Variants in TLE1 observed in about 807,000 individuals in gnomAD.
TLE1 encodes TLE family member 1, transcriptional corepressor.
A neutral mutation model predicts 89.8 loss-of-function variants in TLE1; 21 were observed. The observed-to-expected ratio is 0.23, with a 90% CI of 0.17 to 0.34. TLE1 has a LOEUF of 0.34. Ranked by LOEUF, TLE1 falls within the 10% of genes least tolerant of loss-of-function variation. The pLI is 1.00. For synonymous variants in TLE1, 447 were observed against 407.6 expected, an observed-to-expected ratio of 1.10 and a Z score of -1.16; for missense variants, 795 against 1,031.2, an observed-to-expected ratio of 0.77 and a Z score of 3.14.
intron 1 of TLE1, 72 bp downstream of exon 1, chr9:81,688,145 G>C (rs1834607194): frequency 1.3e-6 from 2 of 1,576,508 alleles, no homozygotes; most frequent in Non-Finnish European, 8.7e-7. Flanking sequence ...GAAGCCACCA[G>C]TCTCCCTACC....
chr9:81,607,024 A>C (rs113828813), intron 14 of TLE1, among the ~76,000 whole-genome samples: 1 of 150,984 alleles, frequency 6.6e-6, no homozygotes, highest in South Asian at 2.1e-4. Flanking sequence ...AGGAGTTTGA[A>C]ACCAGCCTAG....
rs1832067732 is a variant in TLE1, at chr9:81,670,423, T to C, written c.234+15253A>G. On this transcript the variant is annotated intron_variant, in intron 4 of 19. Coordinates refer to ENST00000376499, the MANE Select transcript of TLE1 (RefSeq NM_005077.5). ...TCACTGCAACCTCCGCCTCCCGGGC[T>C]CAAGTGATTCTTCTGCCTCAGCCTC... 5.3e-5 allele frequency among the ~76,000 whole-genome samples: 8 copies of C among 152,074 alleles called. No homozygotes were observed. In the South Asian group the frequency reaches 1.7e-3, roughly 31 times the overall value.
At chr9:81,622,435 T>C (rs1173940641) in intron 8 of TLE1, among the ~76,000 whole-genome samples, 1 of 150,700 alleles carries the variant, frequency 6.6e-6, no homozygotes, top group African/African-American at 2.5e-5. Context: ...AGCTTCTTAA[T>C]GTCTTGTTTT....
chr9:81,610,809 G>C (rs1823615181), intron 13 of TLE1, among the ~76,000 whole-genome samples: 1 of 149,032 alleles, frequency 6.7e-6, no homozygotes, highest in Non-Finnish European at 1.5e-5. Context: ...GTCCTCAAGG[G>C]ACAAAATCAT....
In TLE1 at chr9:81,643,236, GTTTTTT is replaced by G. The variant is rs1443620129; in HGVS notation, c.373-8941_373-8936del. Among the ~76,000 whole-genome samples the G allele has an allele frequency of 4.9e-5, 7 of 141,518 alleles. No homozygotes were observed. The East Asian group carries it at 1.3e-3, about 26-fold the overall frequency. 92.8% of individuals were successfully genotyped at this position (141,518 alleles called of 152,430 possible). On this transcript the variant is annotated intron_variant, in intron 6 of 19. Coordinates refer to ENST00000376499, the MANE Select transcript of TLE1 (RefSeq NM_005077.5). ...GTACTTTGTGGTGTGTTTGTTTTTT[GTTTTTT>G]GGTTTTTTTTTTTGACAGAGTTTCG...
intron 4 of TLE1, among the ~76,000 whole-genome samples, chr9:81,680,667 T>A (rs1045526552): frequency 5.9e-5 from 9 of 152,186 alleles, no homozygotes; most frequent in African/African-American, 2.2e-4. Flanking sequence ...AGGCTAATCT[T>A]GCACCTCGGA....
intron 4 of TLE1, among the ~76,000 whole-genome samples, chr9:81,683,526 A>G (rs1340721819): frequency 1.3e-5 from 2 of 152,188 alleles, no homozygotes; most frequent in African/African-American, 4.8e-5. Flanking sequence ...AATAAGAATT[A>G]TGATTACTAG....
chr9:81,676,458 G>A (rs1026195615), intron 4 of TLE1, among the ~76,000 whole-genome samples: 1 of 152,216 alleles, frequency 6.6e-6, no homozygotes, highest in Non-Finnish European at 1.5e-5. Context: ...GAAGGAGACT[G>A]AGGAAGGCCA....
Position 81,620,516 on chromosome 9 carries a change from A to T in TLE1, c.636T>A (p.Asp212Glu). The change falls in exon 9 of 20, where the codon GAT (aspartate) becomes GAA (glutamate). Residue 212 changes from aspartate (D) to glutamate (E), a missense_variant. This residue lies in a region of TLE1 where 468 missense variants were observed against 509.1 expected (regional missense o/e 0.92). Coordinates refer to ENST00000376499, the MANE Select transcript of TLE1 (RefSeq NM_005077.5). ...AAAATTCAGGTCCATTTCTGCGTTT[A>T]TCTGTGCCTCTTAGACTGTCTGGGA... ...LLVPDSLRGT[D>E]KRRNGPEFSN... is the part of the protein sequence containing the mutation. The T allele has an allele frequency of 6.2e-7, 1 of 1,614,048 alleles. No individual in the cohort carries two copies. Among genetic ancestry groups the T allele is most frequent in the Non-Finnish European group, 8.5e-7 (1 of 1,179,992 alleles).
chr9:81,658,311 T>C (rs1466289448), intron 4 of TLE1, among the ~76,000 whole-genome samples: 1 of 152,156 alleles, frequency 6.6e-6, no homozygotes, highest in Non-Finnish European at 1.5e-5. Flanking sequence ...GACTGTACTA[T>C]GTAAGTTGGG....
chr9:81,596,542 C>T (rs961621428), intron 14 of TLE1, among the ~76,000 whole-genome samples: 24 of 152,032 alleles, frequency 1.6e-4, no homozygotes, highest in African/African-American at 5.6e-4. Context: ...GAAGGGATCC[C>T]AGAAGGAAAC....
At chr9:81,639,214 C>T (rs956695532) in intron 6 of TLE1, among the ~76,000 whole-genome samples, 6 of 151,640 alleles carry the variant, frequency 4.0e-5, no homozygotes, top group African/African-American at 1.5e-4. Context: ...GTGTGGGCCA[C>T]TGTGCCTGGC....
chr9:81,685,967 G>A, intron 2 of TLE1, 71 bp from the exon 3 acceptor site: 3 of 1,543,166 alleles, frequency 1.9e-6, no homozygotes, highest in Non-Finnish European at 2.7e-6. Flanking sequence ...TCACATATTT[G>A]CACTTCAAGT....
intron 4 of TLE1, among the ~76,000 whole-genome samples, chr9:81,685,326 A>G (rs1467814304): frequency 6.6e-6 from 1 of 152,162 alleles, no homozygotes; most frequent in Admixed American, 6.5e-5. Flanking sequence ...CAGCACAAAA[A>G]CATTAACTAT....
chr9:81,670,678 C>T (rs1832098219), intron 4 of TLE1, among the ~76,000 whole-genome samples: 3 of 144,842 alleles, frequency 2.1e-5, no homozygotes, highest in Non-Finnish European at 4.5e-5. Flanking sequence ...TAACTTTGAG[C>T]AATTTCAGCA....
intron 4 of TLE1, among the ~76,000 whole-genome samples, chr9:81,656,951 T>C (rs1284137158): frequency 6.6e-6 from 1 of 152,212 alleles, no homozygotes; most frequent in Non-Finnish European, 1.5e-5. Flanking sequence ...AGAAAAGCTG[T>C]ACCAATTATT....
At position 81,590,934 on chromosome 9, in the gene TLE1, T is replaced by C. The variant is rs1829394073; in HGVS notation, c.1700A>G (p.Lys567Arg). The C allele has an allele frequency of 6.2e-7, 1 of 1,614,246 alleles. No individual in the cohort carries two copies. The highest frequency in any genetic ancestry group is 8.5e-7 in the Non-Finnish European group (1 of 1,180,050). ...GGGGGCCGAGGACGTCAGCTCCGCC[T>C]TGATGCGCGGGGTTGGAGCCGCCAG... is the stretch of plus-strand genomic sequence containing the variant. ...WDLAAPTPRIKAELTSSAPAC... is the reference protein window; with the variant it reads ...WDLAAPTPRIRAELTSSAPAC... Residue 567 changes from lysine (K) to arginine (R), a missense_variant, in exon 16 of 20, where the codon AAG becomes AGG. Lys to Arg is a conservative substitution (Grantham distance 26, BLOSUM62 2). Transcript: ENST00000376499.
At chr9:81,686,044 C>T (rs1027891137) in intron 2 of TLE1, 148 bp from the exon 3 acceptor site, 10 of 744,058 alleles carry the variant, frequency 1.3e-5, no homozygotes, top group Non-Finnish European at 2.0e-5. Flanking sequence ...TTTGTCCTTG[C>T]ATTTAATAGG....
At chr9:81,679,501 C>A (rs777153284) in intron 4 of TLE1, among the ~76,000 whole-genome samples, 2 of 151,780 alleles carry the variant, frequency 1.3e-5, no homozygotes, top group African/African-American at 4.8e-5. Flanking sequence ...CCACACCTCA[C>A]GGGGAAAAAA....
Sources: allele counts gnomAD v4.1 joint callset (sites outside exome capture counted in the v4.1 genomes callset), GRCh38; gene constraint gnomAD v4.1.1; regional missense constraint gnomAD v4.1.1; transcripts MANE v1.5; gene names NCBI Gene and HGNC (gene_info 2026-07-23, HGNC 2026-07-21).